The following CDH12 variants were observed in gnomAD, a reference collection of about 807,000 sequenced individuals.
The protein encoded by CDH12 is cadherin 12, also known as cadherin-12.
CDH12 carries 41 observed loss-of-function variants against 74.1 expected under a neutral mutation model. That is an observed-to-expected ratio of 0.55 (90% CI 0.43 to 0.72). CDH12 has a LOEUF of 0.72. Among genes scored for constraint, CDH12 ranks in the 30% least tolerant of loss-of-function variants. The pLI, the probability that CDH12 is intolerant of heterozygous loss-of-function variation, is 0.00. For missense variants in CDH12, 945 were observed against 977.2 expected, an observed-to-expected ratio of 0.97 and a Z score of 0.44; for synonymous variants, 399 against 355.0, an observed-to-expected ratio of 1.12 and a Z score of -1.39.
At chr5:22,047,631 C>T (rs1357089906) in intron 5 of CDH12, among the ~76,000 whole-genome samples, 1 of 152,042 alleles carries the variant, frequency 6.6e-6, no homozygotes, top group South Asian at 2.1e-4. Context: ...ATTCCTAACA[C>T]ATGAAGGTGC....
chr5:21,926,396 G>A (rs1754585057), intron 6 of CDH12, among the ~76,000 whole-genome samples: 1 of 152,112 alleles, frequency 6.6e-6, no homozygotes, highest in Non-Finnish European at 1.5e-5. Flanking sequence ...AACTTGACTT[G>A]GCTAGAACCA....
intron 1 of CDH12, among the ~76,000 whole-genome samples, chr5:22,822,109 C>G (rs1299796964): frequency 1.3e-5 from 2 of 152,132 alleles, no homozygotes; most frequent in Admixed American, 1.3e-4. Flanking sequence ...TTTGACAAAT[C>G]TGACAAAAAC....
chr5:22,759,511 A>G (rs568792643), intron 1 of CDH12, among the ~76,000 whole-genome samples: 1 of 152,292 alleles, frequency 6.6e-6, no homozygotes, highest in Non-Finnish European at 1.5e-5. Flanking sequence ...CTTACTCTTC[A>G]GTACTTGCCT....
intron 1 of CDH12, among the ~76,000 whole-genome samples, chr5:22,791,712 G>A (rs1251302156): frequency 1.3e-5 from 2 of 152,160 alleles, no homozygotes; most frequent in Non-Finnish European, 2.9e-5. Flanking sequence ...CATTGCAAAG[G>A]TGAAGGGGAA....
At chr5:22,377,443 A>T (rs1741579754) in intron 3 of CDH12, among the ~76,000 whole-genome samples, 1 of 152,110 alleles carries the variant, frequency 6.6e-6, no homozygotes, top group African/African-American at 2.4e-5. Context: ...GTGGAATAGG[A>T]TGGCTTCCAG....
intron 1 of CDH12, among the ~76,000 whole-genome samples, chr5:22,599,877 T>G (rs1241812597): frequency 6.6e-6 from 1 of 152,200 alleles, no homozygotes; most frequent in Non-Finnish European, 1.5e-5. Flanking sequence ...CATCCTTTGC[T>G]CAAAGAAGAA....
intron 3 of CDH12, among the ~76,000 whole-genome samples, chr5:22,365,688 A>T (rs1343209962): frequency 6.6e-6 from 1 of 152,228 alleles, no homozygotes; most frequent in African/African-American, 2.4e-5. Context: ...GAATTAACTG[A>T]TCTGCAAAAA....
At chr5:22,016,905 T>G (rs898563656) in intron 5 of CDH12, among the ~76,000 whole-genome samples, 10 of 152,072 alleles carry the variant, frequency 6.6e-5, no homozygotes, top group Non-Finnish European at 1.2e-4. Context: ...GAGACTACAT[T>G]TATTGATCTT....
intron 6 of CDH12, chr5:21,884,111 T>G: frequency 1.4e-6 from 2 of 1,469,018 alleles, no homozygotes; most frequent in Non-Finnish European, 1.9e-6. Context: ...ATGCTATGGT[T>G]GGAGATTTTA....
chr5:22,153,455 C>T (rs1747749269), intron 4 of CDH12, among the ~76,000 whole-genome samples: 2 of 151,706 alleles, frequency 1.3e-5, no homozygotes, highest in South Asian at 2.1e-4. Flanking sequence ...ATGGGTCACC[C>T]ATGCTCTGAG....
intron 1 of CDH12, among the ~76,000 whole-genome samples, chr5:22,514,994 G>A (rs1381512904): frequency 6.6e-6 from 1 of 152,096 alleles, no homozygotes; most frequent in Non-Finnish European, 1.5e-5. Flanking sequence ...TCTGAACAAT[G>A]TTTAAATAAT....
At chr5:21,799,751 T>C (rs1194933892) in intron 10 of CDH12, among the ~76,000 whole-genome samples, 2 of 152,194 alleles carry the variant, frequency 1.3e-5, no homozygotes, top group African/African-American at 4.8e-5. Context: ...ACCAGGCTTG[T>C]GGAATGGCTG....
chr5:22,555,600 A>C (rs1738766932), intron 1 of CDH12, among the ~76,000 whole-genome samples: 1 of 151,836 alleles, frequency 6.6e-6, no homozygotes, highest in Non-Finnish European at 1.5e-5. Flanking sequence ...AATTAAGCAA[A>C]AGATCTTGAT....
chr5:22,486,283 TAA>T (rs749758565), intron 2 of CDH12, among the ~76,000 whole-genome samples: 1 of 152,116 alleles, frequency 6.6e-6, no homozygotes, highest in Non-Finnish European at 1.5e-5. Flanking sequence ...GTCCTAGATA[TAA>T]AAGTCACCAC....
chr5:22,244,741 AAAG>A (rs1752875113), intron 3 of CDH12, among the ~76,000 whole-genome samples: 3 of 3,672 alleles, frequency 8.2e-4, no homozygotes, highest in African/African-American at 1.4e-3. Flanking sequence ...GAAAGAAAGA[AAAG>A]AAAGAAAGAA....
intron 1 of CDH12, among the ~76,000 whole-genome samples, chr5:22,631,041 G>A (rs572167006): frequency 1.3e-4 from 20 of 152,096 alleles, no homozygotes; most frequent in African/African-American, 4.8e-4. Flanking sequence ...AAAAAATGCT[G>A]AACATTACTT....
At chr5:22,167,159 C>T (rs1748732421) in intron 4 of CDH12, among the ~76,000 whole-genome samples, 1 of 152,108 alleles carries the variant, frequency 6.6e-6, no homozygotes, top group Admixed American at 6.5e-5. Flanking sequence ...AGATTAGACC[C>T]ATTTCAATCA....
chr5:21,883,618 G>C, intron 6 of CDH12: 2 of 1,609,866 alleles, frequency 1.2e-6, no homozygotes, highest in Non-Finnish European at 8.5e-7. Context: ...CATGACTTAG[G>C]AAAAGTTGGA....
chr5:21,822,827 T>G (rs1748447666), intron 8 of CDH12, among the ~76,000 whole-genome samples: 1 of 152,114 alleles, frequency 6.6e-6, no homozygotes, highest in Admixed American at 6.6e-5. Context: ...TCCGTCATAT[T>G]AATGAATTAA....
Sources: gnomAD v4.1 joint callset for allele counts (sites outside exome capture counted in the v4.1 genomes callset) on GRCh38, gnomAD v4.1.1 for gene constraint, MANE v1.5 for transcripts, NCBI Gene and HGNC (gene_info 2026-07-23, HGNC 2026-07-21) for gene names.